RFPL1: variants seen among roughly 807,000 people sequenced by gnomAD.
RFPL1 encodes the protein ret finger protein-like 1.
Under a neutral mutation model 9.6 loss-of-function variants are expected in RFPL1, and 6 were observed. The ratio of observed to expected loss-of-function variants is 0.62; its 90% CI spans 0.34 to 1.23. RFPL1 has a LOEUF of 1.23. RFPL1 is among the 50% of genes most tolerant of loss of function. RFPL1 has a pLI of 0.03. For synonymous variants in RFPL1, 145 were observed against 149.4 expected (o/e 0.97, Z 0.22); for missense variants, 352 against 398.4 (o/e 0.88, Z 0.99).
At chr22:29,403,301 C>T in the RFPL1 span, among the ~76,000 whole-genome samples, 1 of 151,644 alleles carries the variant, frequency 6.6e-6, no homozygotes, top group Non-Finnish European at 1.5e-5. Context: ...GGGAAAAGGA[C>T]AGAAAGACAC....
chr22:29,434,022 T>C (rs80165638), upstream of RFPL1, among the ~76,000 whole-genome samples: 6 of 145,778 alleles, frequency 4.1e-5, no homozygotes, highest in East Asian at 2.2e-4. Flanking sequence ...CACACACACA[T>C]ACACACAAAT....
chr22:29,388,616 G>A, the RFPL1 span: 1 of 152,304 alleles, frequency 6.6e-6, no homozygotes, highest in Non-Finnish European at 1.5e-5. Context: ...TGAAGGCGGG[G>A]TCAAGGGTAC....
At chr22:29,389,873 A>G in the RFPL1 span, among the ~76,000 whole-genome samples, 2 of 151,440 alleles carry the variant, frequency 1.3e-5, no homozygotes, top group Non-Finnish European at 2.9e-5. Flanking sequence ...ATTTTGGCTC[A>G]CTGCAACCTC....
upstream of RFPL1, chr22:29,438,522 G>C: frequency 8.7e-7 from 1 of 1,154,914 alleles, no homozygotes; most frequent in Non-Finnish European, 1.1e-6. Flanking sequence ...TCAATCTCTT[G>C]CTGGGGTTCC....
At chr22:29,397,962 G>A in the RFPL1 span, among the ~76,000 whole-genome samples, 36 of 152,316 alleles carry the variant, frequency 2.4e-4, no homozygotes, top group African/African-American at 8.7e-4. Context: ...AAGAATCCAT[G>A]GAAGGGGGGG....
exon 1 of RFPL1, chr22:29,438,836 C>G (rs61734573): frequency 1.2e-6 from 2 of 1,613,936 alleles, no homozygotes; most frequent in South Asian, 2.2e-5. Flanking sequence ...TTTCACCTCA[C>G]GGAAATTTTC....
upstream of RFPL1, chr22:29,437,816 G>C: frequency 7.6e-7 from 1 of 1,321,106 alleles, no homozygotes; most frequent in Non-Finnish European, 1.0e-6. Flanking sequence ...AGAGAAATTC[G>C]TAATTAATGA....
chr22:29,442,111 G>C (rs747600632), exon 2 of RFPL1: 4 of 1,543,966 alleles, frequency 2.6e-6, no homozygotes, highest in Non-Finnish European at 3.5e-6. Context: ...CCATCCTGGG[G>C]AGGCCAAATA....
chr22:29,402,353 A>G, the RFPL1 span, among the ~76,000 whole-genome samples: 7 of 152,260 alleles, frequency 4.6e-5, no homozygotes, highest in Non-Finnish European at 1.0e-4. Context: ...TCAATTTTGT[A>G]TAAGAAAAAC....
At chr22:29,425,037 T>C in the RFPL1 span, among the ~76,000 whole-genome samples, 3 of 151,038 alleles carry the variant, frequency 2.0e-5, no homozygotes, top group Non-Finnish European at 3.0e-5. Flanking sequence ...ACCCCGTCTC[T>C]ACTAAAAATA....
chr22:29,418,752 C>A, the RFPL1 span, among the ~76,000 whole-genome samples: 1 of 152,138 alleles, frequency 6.6e-6, no homozygotes, highest in South Asian at 2.1e-4. Context: ...CCCACCTGGG[C>A]CTCCCCAAGT....
the RFPL1 span, among the ~76,000 whole-genome samples, chr22:29,406,782 G>A: frequency 1.3e-5 from 2 of 152,216 alleles, no homozygotes; most frequent in Non-Finnish European, 2.9e-5. Flanking sequence ...GAATCTATAA[G>A]AAGTCTGCTC....
At chr22:29,403,475 G>A in the RFPL1 span, among the ~76,000 whole-genome samples, 4 of 152,150 alleles carry the variant, frequency 2.6e-5, no homozygotes, top group African/African-American at 9.7e-5. Context: ...ACCAGCGGCT[G>A]TGTGAGAATG....
chr22:29,410,385 TATATATATTGTAG>T, the RFPL1 span, among the ~76,000 whole-genome samples: 70 of 82,264 alleles, frequency 8.5e-4, no homozygotes, highest in Non-Finnish European at 1.1e-3. Context: ...TATATATAGA[TATATATATTGTAG>T]ATATATATCT....
At chr22:29,410,155 G>A in the RFPL1 span, among the ~76,000 whole-genome samples, 3 of 147,932 alleles carry the variant, frequency 2.0e-5, no homozygotes, top group East Asian at 2.0e-4. Flanking sequence ...TCCTCATGGC[G>A]TTTTCCTTTC....
At chr22:29,413,480 T>C in the RFPL1 span, among the ~76,000 whole-genome samples, 1 of 152,220 alleles carries the variant, frequency 6.6e-6, no homozygotes, top group Non-Finnish European at 1.5e-5. Context: ...GTGGACTTTA[T>C]AGTCCTTGGT....
the RFPL1 span, among the ~76,000 whole-genome samples, chr22:29,391,795 G>A: frequency 6.6e-6 from 1 of 152,192 alleles, no homozygotes; most frequent in Non-Finnish European, 1.5e-5. Context: ...CCAGTGCAAG[G>A]GAGCCAGGTG....
chr22:29,407,694 G>A, the RFPL1 span, among the ~76,000 whole-genome samples: 1 of 152,068 alleles, frequency 6.6e-6, no homozygotes. Context: ...GAGCACAGAT[G>A]TGTTCAGGAT....
chr22:29,393,205 T>C, the RFPL1 span, among the ~76,000 whole-genome samples: 2 of 152,202 alleles, frequency 1.3e-5, no homozygotes, highest in African/African-American at 4.8e-5. Flanking sequence ...AACCAGGCAC[T>C]GTGTGAAGCG....
Sources: allele counts gnomAD v4.1 joint callset (sites outside exome capture counted in the v4.1 genomes callset), GRCh38; gene constraint gnomAD v4.1.1; transcripts MANE v1.5; gene names NCBI Gene and HGNC (gene_info 2026-07-23, HGNC 2026-07-21).